The following B4GALT1 variants were observed in gnomAD, a reference collection of about 807,000 sequenced individuals.
The protein encoded by B4GALT1 is beta-1,4-galactosyltransferase 1.
A neutral mutation model predicts 34.9 loss-of-function variants in B4GALT1; 16 were observed. The ratio of observed to expected loss-of-function variants is 0.46; its 90% CI spans 0.31 to 0.70. The LOEUF (loss-of-function observed/expected upper bound fraction) is 0.70. B4GALT1 is among the 30% of genes least tolerant of loss of function. The pLI is 0.05. For synonymous variants in B4GALT1, 221 were observed against 218.1 expected (o/e 1.01, Z -0.12); for missense variants, 445 against 530.5 (o/e 0.84, Z 1.58).
upstream of B4GALT1, among the ~76,000 whole-genome samples, chr9:33,168,212 A>T (rs1840801083): frequency 6.6e-6 from 1 of 152,240 alleles, no homozygotes; most frequent in African/African-American, 2.4e-5. Context: ...AGCTGGCAAG[A>T]GGCAGAATTC....
upstream of B4GALT1, chr9:33,167,346 C>T: frequency 1.3e-6 from 1 of 792,994 alleles, no homozygotes; most frequent in Non-Finnish European, 1.7e-6. Flanking sequence ...CGGCGAGAAG[C>T]CGCCCGAGGC....
chr9:33,134,530 C>G (rs112622968), intron 2 of B4GALT1, among the ~76,000 whole-genome samples: 142 of 152,336 alleles, frequency 9.3e-4, no homozygotes, highest in Middle Eastern at 3.4e-3. Context: ...TTAGATCAAT[C>G]TGATTCTCCA....
In B4GALT1 at chr9:33,116,058, G is replaced by A. The variant is rs150249236; in HGVS notation, c.892C>T (p.Leu298=). 14 of 1,613,574 alleles carry A rather than the reference G, an allele frequency of 8.7e-6. No individual in the cohort carries two copies. The highest frequency in any genetic ancestry group is 1.2e-5 in the Non-Finnish European group (14 of 1,179,594). ...GVSALSKQQF[L]TINGFPNNYW... ...TTATTAGGAAATCCATTGATGGTTA[G>A]AAACTGTTGTTTACTTAGAGCAGAG... The change falls in exon 4 of 6, where the codon CTA becomes TTA. Residue 298 remains leucine (L), a synonymous_variant. Transcript: ENST00000379731.
upstream of B4GALT1, among the ~76,000 whole-genome samples, chr9:33,168,506 C>A (rs528775117): frequency 3.3e-5 from 5 of 152,342 alleles, no homozygotes; most frequent in African/African-American, 1.2e-4. Context: ...TACTATCTGC[C>A]ATGAAGTAGG....
At position 33,167,202 on chromosome 9, in the gene B4GALT1, T is replaced by C; in HGVS notation, c.-33A>G. On this transcript the variant is annotated 5_prime_UTR_variant, in exon 1 of 6. Transcript: ENST00000379731. ...CCGCCGCTTTAAGAAGGGTGTGGGCTACAGGAGGGGAGGCGACCCGCCCGC... is the reference window on the plus strand; with the variant it reads ...CCGCCGCTTTAAGAAGGGTGTGGGCCACAGGAGGGGAGGCGACCCGCCCGC... 4 of 1,555,764 alleles carry C rather than the reference T, an allele frequency of 2.6e-6. No individual in the cohort carries two copies. Among genetic ancestry groups the C allele is most frequent in the African/African-American group, 1.4e-5 (1 of 72,040 alleles).
intron 1 of B4GALT1, among the ~76,000 whole-genome samples, chr9:33,149,721 GA>G (rs1840482928): frequency 6.6e-6 from 1 of 152,154 alleles, no homozygotes; most frequent in Non-Finnish European, 1.5e-5. Context: ...TCGTTACACT[GA>G]GAAGAACTCA....
At chr9:33,178,268 A>G in the B4GALT1 span, among the ~76,000 whole-genome samples, 3 of 152,164 alleles carry the variant, frequency 2.0e-5, no homozygotes, top group African/African-American at 7.2e-5. Flanking sequence ...CTGGGATTAC[A>G]GGCGTGAGCC....
rs753675223 is a variant in B4GALT1 at position 33,135,392 on chromosome 9, C to T, written c.445G>A (p.Val149Met). The change falls in exon 2 of 6, where the codon GTG (valine) becomes ATG (methionine). Residue 149 changes from valine to methionine, a missense_variant. Physicochemically the swap from Val to Met is conservative, Grantham distance 21 (BLOSUM62 1). Coordinates refer to ENST00000379731, the MANE Select transcript of B4GALT1 (RefSeq NM_001497.4). Reference sequence around the variant, plus strand: ...TGCTTTGCCACGAGCTCCAGGTCCACAGGCATGTTAAACTCAATCAGCATG... The same window carrying T: ...TGCTTTGCCACGAGCTCCAGGTCCATAGGCATGTTAAACTCAATCAGCATG... ...GPMLIEFNMPVDLELVAKQNP... is the reference protein window; with the variant it reads ...GPMLIEFNMPMDLELVAKQNP... 39 of 1,614,170 alleles carry T rather than the reference C, an allele frequency of 2.4e-5. No individual in the cohort carries two copies. The Middle Eastern group carries it at 4.9e-4, about 20-fold the overall frequency.
At chr9:33,113,716 G>T (rs984960332) in intron 5 of B4GALT1, 58 bp downstream of exon 5, 52 of 1,609,476 alleles carry the variant, frequency 3.2e-5, no homozygotes, top group Admixed American at 8.3e-5. Flanking sequence ...CAGAGCCTCG[G>T]ACCTGCAGCC....
chr9:33,127,031 G>A (rs1458977728), intron 2 of B4GALT1, among the ~76,000 whole-genome samples: 2 of 152,006 alleles, frequency 1.3e-5, no homozygotes, highest in Non-Finnish European at 1.5e-5. Context: ...GCGCGATCTC[G>A]GCTCACTGCA....
At chr9:33,184,478 T>C in the B4GALT1 span, among the ~76,000 whole-genome samples, 1 of 152,214 alleles carries the variant, frequency 6.6e-6, no homozygotes, top group Non-Finnish European at 1.5e-5. Context: ...ACAAAGCAAG[T>C]TACTTTACAC....
chr9:33,115,985 C>T lies in B4GALT1; in HGVS notation c.959+6G>A. ...AGGAGAAAGATATCTAAGTTATGAC[C>T]ATTACCTGTTAAAAATGTCATCATC... On this transcript the variant is annotated splice_donor_region_variant and intron_variant, in intron 4 of 5. Transcript: ENST00000379731. 1.2e-6 allele frequency: 2 copies of T among 1,609,298 alleles called. No homozygotes were observed. Among genetic ancestry groups the T allele is most frequent in the Non-Finnish European group, 1.7e-6 (2 of 1,176,806 alleles).
intron 2 of B4GALT1, among the ~76,000 whole-genome samples, chr9:33,122,456 A>G (rs1164944733): frequency 6.6e-6 from 1 of 152,096 alleles, no homozygotes; most frequent in Non-Finnish European, 1.5e-5. Flanking sequence ...GCAGTGAGCC[A>G]TGACGGCACC....
intron 2 of B4GALT1, among the ~76,000 whole-genome samples, chr9:33,128,622 G>A (rs1840147447): frequency 6.6e-6 from 1 of 152,186 alleles, no homozygotes; most frequent in Admixed American, 6.5e-5. Flanking sequence ...AGTGCCCGAA[G>A]GAAGGGGAGG....
chr9:33,128,586 C>T (rs1366495204), intron 2 of B4GALT1, among the ~76,000 whole-genome samples: 1 of 152,158 alleles, frequency 6.6e-6, no homozygotes, highest in East Asian at 1.9e-4. Context: ...TCCCATTCCC[C>T]ACCCCGGCAA....
intron 1 of B4GALT1, among the ~76,000 whole-genome samples, chr9:33,147,090 C>A (rs1840437937): frequency 6.6e-6 from 1 of 152,164 alleles, no homozygotes; most frequent in Non-Finnish European, 1.5e-5. Flanking sequence ...CACTCCTCCA[C>A]CTCTAAAAAG....
intron 2 of B4GALT1, among the ~76,000 whole-genome samples, chr9:33,131,615 T>C (rs1344830306): frequency 6.6e-6 from 1 of 152,180 alleles, no homozygotes; most frequent in Non-Finnish European, 1.5e-5. Flanking sequence ...TGTATGTGTG[T>C]GTGGGAATGA....
At chr9:33,135,901 G>C (rs1840263028) in intron 1 of B4GALT1, among the ~76,000 whole-genome samples, 1 of 117,468 alleles carries the variant, frequency 8.5e-6, no homozygotes, top group East Asian at 2.5e-4. Context: ...GTGTGTGTGT[G>C]TGTGTGTGTA....
intron 1 of B4GALT1, among the ~76,000 whole-genome samples, chr9:33,147,955 G>A (rs1427717552): frequency 6.6e-6 from 1 of 152,014 alleles, no homozygotes; most frequent in Non-Finnish European, 1.5e-5. Flanking sequence ...GATCGCTTAA[G>A]CCCAGGATTG....
Sources: allele counts gnomAD v4.1 joint callset (sites outside exome capture counted in the v4.1 genomes callset), GRCh38; gene constraint gnomAD v4.1.1; transcripts MANE v1.5; gene names NCBI Gene and HGNC (gene_info 2026-07-23, HGNC 2026-07-21).